The following CDK5RAP2 variants were observed in gnomAD, a reference collection of about 807,000 sequenced individuals.
The protein encoded by CDK5RAP2 is CDK5 regulatory subunit associated protein 2.
A neutral mutation model predicts 232.9 loss-of-function variants in CDK5RAP2; 147 were observed. The observed-to-expected ratio is 0.63, with a 90% CI of 0.55 to 0.72. CDK5RAP2 has a LOEUF of 0.72. Among genes scored for constraint, CDK5RAP2 ranks in the 30% least tolerant of loss-of-function variants. The pLI is 0.00. For missense variants in CDK5RAP2, 2,195 were observed against 2,231.5 expected, an observed-to-expected ratio of 0.98 and a Z score of 0.33; for synonymous variants, 833 against 833.7, an observed-to-expected ratio of 1.00 and a Z score of 0.01.
chr9:120,414,962 C>G, intron 28 of CDK5RAP2, 78 bp downstream of exon 28: 1 of 1,541,850 alleles, frequency 6.5e-7, no homozygotes, highest in Non-Finnish European at 9.0e-7. Context: ...GCTTTGTACA[C>G]AGATGCTTAC....
chr9:120,389,313 A>C, intron 37 of CDK5RAP2, 21 bp from the exon 38 acceptor site: 1 of 1,606,112 alleles, frequency 6.2e-7, no homozygotes, highest in East Asian at 2.2e-5. Flanking sequence ...GAAGAAAAAA[A>C]AGGAGAATTT....
chr9:120,433,005 G>A (rs2035373042), intron 25 of CDK5RAP2, among the ~76,000 whole-genome samples: 3 of 152,158 alleles, frequency 2.0e-5, no homozygotes, highest in Non-Finnish European at 2.9e-5. Flanking sequence ...GAAAAGTCAG[G>A]TACTCCTATA....
intron 12 of CDK5RAP2, among the ~76,000 whole-genome samples, chr9:120,502,275 C>T (rs929311849): frequency 5.3e-5 from 8 of 152,194 alleles, no homozygotes; most frequent in South Asian, 4.1e-4. Context: ...CTAGAAAGAT[C>T]GTGCACACCC....
intron 3 of CDK5RAP2, among the ~76,000 whole-genome samples, chr9:120,554,476 A>G (rs919061230): frequency 7.9e-5 from 12 of 152,170 alleles, no homozygotes; most frequent in African/African-American, 2.4e-4. Flanking sequence ...ATTAAGTTCA[A>G]TCTTAACTCT....
intron 4 of CDK5RAP2, among the ~76,000 whole-genome samples, chr9:120,548,768 C>T (rs1239330311): frequency 1.3e-5 from 2 of 152,222 alleles, no homozygotes; most frequent in African/African-American, 4.8e-5. Context: ...GCTATGATCA[C>T]ACCACTACAC....
chr9:120,525,204 G>C (rs775637722), intron 10 of CDK5RAP2, 126 bp from the exon 11 acceptor site: 2 of 768,910 alleles, frequency 2.6e-6, no homozygotes, highest in East Asian at 2.8e-5. Context: ...GAAGAGATTC[G>C]AGTGGGATTT....
At position 120,528,806 on chromosome 9, in the gene CDK5RAP2, A is replaced by G. The variant is rs1167027002; in HGVS notation, c.826-9T>C. The G allele has an allele frequency of 6.2e-7, 1 of 1,606,186 alleles. No homozygotes were observed. The highest frequency in any genetic ancestry group is 1.3e-5 in the African/African-American group (1 of 74,786). ...TGCTCCATTTGTGCAGCCTAAGAAA[A>G]GGCATTAATTGGTGTGAAGAAGGGA... On this transcript the variant is annotated splice_polypyrimidine_tract_variant and intron_variant, in intron 8 of 37. Transcript: ENST00000349780.
At position 120,426,060 on chromosome 9, in the gene CDK5RAP2, A is replaced by G. The variant is rs185710497; in HGVS notation, c.3956-3319T>C. 2.6e-5 allele frequency among the ~76,000 whole-genome samples: 4 copies of G among 152,324 alleles called. No individual in the cohort carries two copies. In the East Asian group the frequency reaches 5.8e-4, roughly 22 times the overall value. ...TGGAGGGAAGAACTGCTTTATAAAG[A>G]TGGGAAGACACTTAAGGGACTCTGG... is the stretch of plus-strand genomic sequence containing the variant. On this transcript the variant is annotated intron_variant, in intron 25 of 37. Transcript: ENST00000349780.
intron 3 of CDK5RAP2, among the ~76,000 whole-genome samples, chr9:120,563,377 TA>T (rs1463428425): frequency 2.6e-5 from 4 of 152,088 alleles, no homozygotes; most frequent in African/African-American, 9.7e-5. Flanking sequence ...GGGCCAAGAT[TA>T]GGGATTTTAT....
chr9:120,579,974 A>C lies in CDK5RAP2; in HGVS notation c.5T>G (p.Met2Arg). 6.2e-7 allele frequency: 1 copy of C among 1,610,300 alleles called. No individual in the cohort carries two copies. The highest frequency in any genetic ancestry group is 8.5e-7 in the Non-Finnish European group (1 of 1,176,556). Residue 2 changes from methionine (M) to arginine (R), a missense_variant, in exon 1 of 38, where the codon ATG becomes AGG. By Grantham distance (91) the Met-to-Arg change is moderately conservative. Transcript: ENST00000349780. Reference sequence around the variant, plus strand: ...GACGTCCTCTTCCAACACCAAGTCCATCATGGCTACAGAGGTGGCGACAGC... The same window carrying C: ...GACGTCCTCTTCCAACACCAAGTCCCTCATGGCTACAGAGGTGGCGACAGC... M[M>R]DLVLEEDVTV...
intron 34 of CDK5RAP2, 90 bp downstream of exon 34, chr9:120,402,716 T>C (rs1231172986): frequency 1.4e-6 from 2 of 1,464,344 alleles, no homozygotes; most frequent in Non-Finnish European, 1.9e-6. Context: ...AGGGTCCTAA[T>C]GAGGACAACT....
chr9:120,498,291 G>A (rs973651053), intron 12 of CDK5RAP2, among the ~76,000 whole-genome samples: 5 of 152,080 alleles, frequency 3.3e-5, no homozygotes, highest in East Asian at 1.9e-4. Flanking sequence ...TGACTCCGAC[G>A]GACTTCATTG....
chr9:120,436,247 C>G (rs1399244467), intron 25 of CDK5RAP2, among the ~76,000 whole-genome samples: 4 of 152,148 alleles, frequency 2.6e-5, no homozygotes, highest in Non-Finnish European at 4.4e-5. Context: ...CCAATTTAAT[C>G]TAATCATGAA....
At chr9:120,550,465 C>G (rs763049536) in intron 4 of CDK5RAP2, among the ~76,000 whole-genome samples, 23 of 152,204 alleles carry the variant, frequency 1.5e-4, no homozygotes, top group Non-Finnish European at 2.9e-4. Flanking sequence ...TACCTGGTAA[C>G]AGTAGAATTC....
At chr9:120,507,105 C>A (rs2039852128) in intron 12 of CDK5RAP2, among the ~76,000 whole-genome samples, 1 of 152,152 alleles carries the variant, frequency 6.6e-6, no homozygotes, top group South Asian at 2.1e-4. Flanking sequence ...AGACCTTCCA[C>A]CAAGAAAGAT....
chr9:120,496,379 T>TGG (rs1284615973), intron 12 of CDK5RAP2, among the ~76,000 whole-genome samples: 2 of 22,284 alleles, frequency 9.0e-5, no homozygotes, highest in African/African-American at 3.4e-4. Flanking sequence ...GGGAGGGAGG[T>TGG]GGGGGGGGGG....
At chr9:120,523,863 G>T (rs1274047304) in intron 11 of CDK5RAP2, among the ~76,000 whole-genome samples, 1 of 152,212 alleles carries the variant, frequency 6.6e-6, no homozygotes, top group Non-Finnish European at 1.5e-5. Flanking sequence ...AAATGAGGAA[G>T]AAAGAGGGGC....
chr9:120,478,503 G>A (rs930505201), intron 14 of CDK5RAP2, among the ~76,000 whole-genome samples: 4 of 152,134 alleles, frequency 2.6e-5, no homozygotes, highest in Admixed American at 6.5e-5. Context: ...CAGGCACAGC[G>A]GCTCACACCT....
chr9:120,515,129 CCAAA>C (rs1331751613), intron 12 of CDK5RAP2, among the ~76,000 whole-genome samples: 3 of 151,782 alleles, frequency 2.0e-5, no homozygotes, highest in South Asian at 2.1e-4. Context: ...CCAAATTTTA[CCAAA>C]CAAACATTAT....
Sources: allele counts gnomAD v4.1 joint callset (sites outside exome capture counted in the v4.1 genomes callset), GRCh38; gene constraint gnomAD v4.1.1; transcripts MANE v1.5; gene names NCBI Gene and HGNC (gene_info 2026-07-23, HGNC 2026-07-21).